Variants in CASK observed in about 807,000 individuals in gnomAD.
CASK encodes peripheral plasma membrane protein CASK.
CASK carries 4 observed loss-of-function variants against 82.9 expected under a neutral mutation model. The observed-to-expected ratio is 0.05, with a 90% CI of 0.02 to 0.11. The LOEUF is 0.11. Ranked by LOEUF, CASK falls within the 10% of genes least tolerant of loss-of-function variation. The pLI, the probability that CASK is intolerant of heterozygous loss-of-function variation, is 1.00. For synonymous variants in CASK, 259 were observed against 253.5 expected (o/e 1.02, Z -0.20); for missense variants, 358 against 720.9 (o/e 0.50, Z 5.76).
intron 5 of CASK, among the ~76,000 whole-genome samples, chrX:41,680,439 G>A (rs1007497294): frequency 1.9e-5 from 2 of 104,836 alleles, no homozygotes; most frequent in Non-Finnish European, 3.9e-5. Flanking sequence ...CCAAGATCGC[G>A]CCATTGCACT....
intron 5 of CASK, among the ~76,000 whole-genome samples, chrX:41,705,175 C>A (rs2067864636): frequency 8.9e-6 from 1 of 112,004 alleles, no homozygotes; most frequent in Non-Finnish European, 1.9e-5. Flanking sequence ...GGTAACAGAT[C>A]CATTGTATTT....
chrX:41,685,643 G>A (rs1291764502), intron 5 of CASK, among the ~76,000 whole-genome samples: 1 of 110,699 alleles, frequency 9.0e-6, no homozygotes, highest in African/African-American at 3.3e-5. Flanking sequence ...CACCACACCC[G>A]GCTAATTTTT....
At chrX:41,533,846 C>T (rs758508783) in intron 24 of CASK, among the ~76,000 whole-genome samples, 3 of 111,087 alleles carry the variant, frequency 2.7e-5, no homozygotes, top group Admixed American at 9.6e-5. Flanking sequence ...TTAGTAGAGA[C>T]GGGGTTTCTC....
At chrX:41,726,604 T>C (rs2068264713) in intron 5 of CASK, among the ~76,000 whole-genome samples, 1 of 112,317 alleles carries the variant, frequency 8.9e-6, no homozygotes. Context: ...CTGTAATACT[T>C]TGGCCAACAT....
intron 2 of CASK, among the ~76,000 whole-genome samples, chrX:41,826,133 T>A (rs2070660005): frequency 8.9e-6 from 1 of 111,925 alleles, no homozygotes; most frequent in Non-Finnish European, 1.9e-5. Flanking sequence ...AAAGTTTAAG[T>A]TTAAAATTAA....
intron 19 of CASK, 190 bp from the exon 20 acceptor site, chrX:41,555,825 A>G (rs1182550403): frequency 2.5e-6 from 1 of 403,693 alleles, no homozygotes; most frequent in Non-Finnish European, 4.4e-6. Context: ...ATTTAGCAGC[A>G]AGCTGAAGAA....
chrX:41,635,420 G>T (rs1248341149), intron 9 of CASK, among the ~76,000 whole-genome samples: 2 of 111,894 alleles, frequency 1.8e-5, no homozygotes, highest in Non-Finnish European at 3.8e-5. Flanking sequence ...AAGTTTTATA[G>T]TTGGCAGGAG....
intron 2 of CASK, among the ~76,000 whole-genome samples, chrX:41,850,037 G>A (rs1227995161): frequency 9.0e-6 from 1 of 111,368 alleles, no homozygotes; most frequent in Non-Finnish European, 1.9e-5. Context: ...AAAATTAGCT[G>A]TGTGTGGTGG....
chrX:41,604,519 G>A (rs1171622766), intron 12 of CASK, among the ~76,000 whole-genome samples: 1 of 108,320 alleles, frequency 9.2e-6, no homozygotes, highest in Non-Finnish European at 1.9e-5. Context: ...TTCTTCCCTG[G>A]ATCCTTTGGA....
At chrX:41,791,396 T>C (rs987387457) in intron 2 of CASK, among the ~76,000 whole-genome samples, 1 of 109,545 alleles carries the variant, frequency 9.1e-6, no homozygotes, top group East Asian at 2.9e-4. Flanking sequence ...TATACAATGT[T>C]TGGTTTTCCA....
chrX:41,822,375 T>C (rs965915704), intron 2 of CASK, among the ~76,000 whole-genome samples: 3 of 108,609 alleles, frequency 2.8e-5, no homozygotes, highest in South Asian at 4.0e-4. Flanking sequence ...CTGGGCAACA[T>C]GGTGAAACCC....
chrX:41,580,311 G>T (rs1009391448), intron 14 of CASK, among the ~76,000 whole-genome samples: 1 of 111,597 alleles, frequency 9.0e-6, no homozygotes, highest in Non-Finnish European at 1.9e-5. Flanking sequence ...CTCCCAAGTA[G>T]CTGGGACCAC....
chrX:41,918,185 C>T (rs758441496), intron 1 of CASK, among the ~76,000 whole-genome samples: 4 of 112,070 alleles, frequency 3.6e-5, no homozygotes, highest in African/African-American at 6.5e-5. Flanking sequence ...CAACACAATG[C>T]GAAATTCTCC....
intron 9 of CASK, among the ~76,000 whole-genome samples, chrX:41,631,890 G>T (rs1355874025): frequency 1.8e-5 from 2 of 111,519 alleles, no homozygotes; most frequent in Non-Finnish European, 3.8e-5. Context: ...TTGCGGAACT[G>T]CTCATACCAG....
chrX:41,696,166 T>C (rs1250232113), intron 5 of CASK: 1 of 1,206,903 alleles, frequency 8.3e-7, no homozygotes, highest in African/African-American at 1.7e-5. Context: ...TGTTGTATAG[T>C]ATGGATGCTT....
intron 5 of CASK, among the ~76,000 whole-genome samples, chrX:41,713,726 T>G (rs1233077717): frequency 9.0e-6 from 1 of 111,156 alleles, no homozygotes; most frequent in African/African-American, 3.3e-5. Flanking sequence ...GAAGAAAACA[T>G]TGATGGGGTG....
intron 1 of CASK, among the ~76,000 whole-genome samples, chrX:41,868,311 CA>C (rs1601922260): frequency 8.9e-6 from 1 of 112,038 alleles, no homozygotes; most frequent in African/African-American, 3.2e-5. Context: ...GGCTTGAGAT[CA>C]TGTAAAAGAA....
intron 1 of CASK, among the ~76,000 whole-genome samples, chrX:41,913,603 GA>G (rs764230142): frequency 9.8e-5 from 11 of 112,120 alleles, no homozygotes; most frequent in African/African-American, 3.6e-4. Context: ...ACACATGGTA[GA>G]AAAGAATGTT....
chrX:41,658,711 G>A (rs1377490109), intron 8 of CASK, among the ~76,000 whole-genome samples: 1 of 111,444 alleles, frequency 9.0e-6, no homozygotes, highest in African/African-American at 3.3e-5. Flanking sequence ...CAAGAGAGCA[G>A]GTGTTCCAGA....
Sources: allele counts gnomAD v4.1 joint callset (sites outside exome capture counted in the v4.1 genomes callset), GRCh38; gene constraint gnomAD v4.1.1; transcripts MANE v1.5; gene names NCBI Gene and HGNC (gene_info 2026-07-23, HGNC 2026-07-21).